Variants in ULK4 observed in about 807,000 individuals in gnomAD.
ULK4 encodes unc-51 like kinase 4, also known as inactive serine/threonine-protein kinase ULK4.
In ULK4, 133 loss-of-function variants were observed where a neutral mutation model predicts 160.6. The observed-to-expected ratio is 0.83, with a 90% confidence interval of 0.72 to 0.96. ULK4 has a LOEUF of 0.96. Among genes scored for constraint, ULK4 ranks in the 40% least tolerant of loss-of-function variants. The probability of loss-of-function intolerance (pLI) is 0.00; values close to 1 mark genes in which losing one functional copy is unlikely to be tolerated. For synonymous variants in ULK4, 534 were observed against 539.8 expected (o/e 0.99, Z 0.15); for missense variants, 1,580 against 1,499.5 (o/e 1.05, Z -0.89).
At chr3:41,629,454 C>T (rs775266455) in intron 30 of ULK4, among the ~76,000 whole-genome samples, 1 of 152,104 alleles carries the variant, frequency 6.6e-6, no homozygotes, top group Non-Finnish European at 1.5e-5. Context: ...CAAAGAGAAC[C>T]AGATGGCTTT....
At position 41,246,849 on chromosome 3, in the gene ULK4, A is replaced by G; in HGVS notation, c.*80T>C. On this transcript the variant is annotated 3_prime_UTR_variant, in exon 37 of 37. Transcript: ENST00000301831. Reference sequence around the variant, plus strand: ...AAAGACAGCTGTGAGGGGATGTGGCAAAGGTGTCTGGGAGCTGACCTTGCT... The same window carrying G: ...AAAGACAGCTGTGAGGGGATGTGGCGAAGGTGTCTGGGAGCTGACCTTGCT... 6.6e-7 allele frequency: 1 copy of G among 1,525,382 alleles called. No individual in the cohort carries two copies. The highest frequency in any genetic ancestry group is 9.0e-7 in the Non-Finnish European group (1 of 1,115,594). 94.5% of individuals were successfully genotyped at this position (1,525,382 alleles called of 1,614,324 possible). A position where few individuals can be genotyped will look rare whatever the true frequency, so the allele number is the denominator to read the frequency against.
chr3:41,590,917 A>G (rs1405978460), intron 31 of ULK4, among the ~76,000 whole-genome samples: 1 of 152,104 alleles, frequency 6.6e-6, no homozygotes, highest in Non-Finnish European at 1.5e-5. Context: ...TTTTGAAGAA[A>G]CGATGGTTGA....
chr3:41,776,058 A>G (rs536557711), intron 21 of ULK4, among the ~76,000 whole-genome samples: 1 of 151,014 alleles, frequency 6.6e-6, no homozygotes, highest in East Asian at 1.9e-4. Context: ...AAGATTATAA[A>G]ATTGCACTCC....
At chr3:41,587,424 G>A (rs1017711209) in intron 31 of ULK4, among the ~76,000 whole-genome samples, 2 of 152,080 alleles carry the variant, frequency 1.3e-5, no homozygotes, top group Non-Finnish European at 2.9e-5. Flanking sequence ...CTCCCTTTTG[G>A]CATGTAGTGG....
At position 41,874,247 on chromosome 3, in the gene ULK4, C is replaced by T. The variant is rs116341773; in HGVS notation, c.1656+9627G>A. ...AGTGGTGCAATCGTGCATCTTAATA[C>T]GGAGCAAGAGCCCAAAGTGGAGCAC... On this transcript the variant is annotated intron_variant, in intron 17 of 36. Coordinates refer to ENST00000301831, the MANE Select transcript of ULK4 (RefSeq NM_017886.4). Among the ~76,000 whole-genome samples, 1,013 of 152,182 alleles carry T rather than the reference C, an allele frequency of 6.7e-3. 9 individuals carry two copies. The highest frequency in any genetic ancestry group is 0.023 in the African/African-American group (964 of 41,524).
intron 7 of ULK4, 33 bp from the exon 8 acceptor site, chr3:41,916,085 TAAG>T (rs1292717716): frequency 8.4e-6 from 12 of 1,420,436 alleles, no homozygotes; most frequent in Non-Finnish European, 1.2e-5. Context: ...GAAAAAATGA[TAAG>T]TAGTAAATAC....
Position 41,919,893 on chromosome 3 carries a change from C to G in ULK4, c.542-75G>C. 4 of 863,410 alleles carry G rather than the reference C, an allele frequency of 4.6e-6. No individual in the cohort carries two copies. The Admixed American group carries it at 9.0e-5, about 19-fold the overall frequency. The allele number at this position is 863,410 out of a possible 1,614,324, so 53.5% of individuals were successfully genotyped here. ...CAACACGAACCCACCTAGGAAAGAT[C>G]TGATGAGATGAAAAAGGGCAGGAGA... On this transcript the variant is annotated intron_variant, in intron 5 of 36. Transcript: ENST00000301831.
chr3:41,961,551 C>CCCCCCCT (rs1559679750), intron 1 of ULK4, among the ~76,000 whole-genome samples: 14 of 8,334 alleles, frequency 1.7e-3, no homozygotes, highest in East Asian at 0.014. Flanking sequence ...TAGTCACTCA[C>CCCCCCCT]CCCCCCCCCC....
In ULK4 at chr3:41,507,994, G is replaced by C. The variant is rs185970408; in HGVS notation, c.3227-44741C>G. On this transcript the variant is annotated intron_variant, in intron 32 of 36. Coordinates refer to ENST00000301831, the MANE Select transcript of ULK4 (RefSeq NM_017886.4). The stretch of plus-strand genomic sequence containing the variant: ...AAGCTCCCTGAGATGCCAAAAAACT[G>C]TGAGTTGGCTTGCTTTCTCAGCAGG... 8.5e-4 allele frequency among the ~76,000 whole-genome samples: 130 copies of C among 152,328 alleles called. 1 individual carries two copies. Among genetic ancestry groups the C allele is most frequent in the Admixed American group, 8.5e-3 (130 of 15,302 alleles).
chr3:41,858,817 TC>T (rs140811588), intron 17 of ULK4, among the ~76,000 whole-genome samples: 300 of 151,396 alleles, frequency 2.0e-3, no homozygotes, highest in African/African-American at 6.5e-3. Flanking sequence ...AATTCTTTTT[TC>T]CCCCCCATAG....
intron 32 of ULK4, among the ~76,000 whole-genome samples, chr3:41,495,152 G>A (rs2084940505): frequency 1.3e-5 from 2 of 152,196 alleles, no homozygotes; most frequent in African/African-American, 4.8e-5. Context: ...AACAAAGCTG[G>A]AGGCATCACA....
chr3:41,944,543 T>C (rs1489978551), intron 2 of ULK4, among the ~76,000 whole-genome samples: 1 of 152,140 alleles, frequency 6.6e-6, no homozygotes, highest in African/African-American at 2.4e-5. Context: ...TCTCTGCTCC[T>C]TGATACAGCA....
At chr3:41,396,797 C>A (rs9311274) in intron 35 of ULK4, among the ~76,000 whole-genome samples, 3 of 151,934 alleles carry the variant, frequency 2.0e-5, no homozygotes, top group Non-Finnish European at 4.4e-5. Context: ...ACTTGGGGAA[C>A]TGAACTAGAC....
intron 35 of ULK4, among the ~76,000 whole-genome samples, chr3:41,307,836 A>T (rs774595100): frequency 8.2e-6 from 1 of 122,670 alleles, no homozygotes; most frequent in African/African-American, 3.7e-5. Flanking sequence ...TTTCATACAT[A>T]CATACATACA....
chr3:41,946,697 G>A (rs1174875700), intron 2 of ULK4, among the ~76,000 whole-genome samples: 1 of 152,162 alleles, frequency 6.6e-6, no homozygotes, highest in Non-Finnish European at 1.5e-5. Context: ...TTTGTAGTGT[G>A]TGTCACAAGT....
chr3:41,528,632 C>A (rs768393138), intron 32 of ULK4, among the ~76,000 whole-genome samples: 1 of 152,146 alleles, frequency 6.6e-6, no homozygotes, highest in Non-Finnish European at 1.5e-5. Flanking sequence ...ATATGAACAT[C>A]AAGACCAGAG....
In ULK4 at chr3:41,710,748, C is replaced by G. The variant is rs575246331; in HGVS notation, c.2634+4489G>C. Reference sequence around the variant, plus strand: ...AACAGAGGTTGCAGTGAGCCGAGATCGCTCCGCTGCACAAGCCTGGGAGAC... The same window carrying G: ...AACAGAGGTTGCAGTGAGCCGAGATGGCTCCGCTGCACAAGCCTGGGAGAC... On this transcript the variant is annotated intron_variant, in intron 25 of 36. Coordinates refer to ENST00000301831, the MANE Select transcript of ULK4 (RefSeq NM_017886.4). Among the ~76,000 whole-genome samples the G allele has an allele frequency of 4.4e-4, 66 of 150,490 alleles. 1 individual carries two copies. The highest frequency in any genetic ancestry group is 1.4e-3 in the African/African-American group (59 of 40,784).
intron 32 of ULK4, among the ~76,000 whole-genome samples, chr3:41,472,832 A>C (rs773597139): frequency 1.5e-4 from 23 of 152,180 alleles, no homozygotes; most frequent in Non-Finnish European, 3.2e-4. Context: ...TAAAAAACTA[A>C]AGGCCACTGT....
intron 12 of ULK4, 131 bp from the exon 13 acceptor site, chr3:41,900,960 C>A (rs897944732): frequency 6.8e-6 from 4 of 585,356 alleles, no homozygotes; most frequent in Admixed American, 3.1e-5. Flanking sequence ...AACTGCTATT[C>A]AAGATGGTTG....
Sources: allele counts gnomAD v4.1 joint callset (sites outside exome capture counted in the v4.1 genomes callset), GRCh38; gene constraint gnomAD v4.1.1; transcripts MANE v1.5; gene names NCBI Gene and HGNC (gene_info 2026-07-23, HGNC 2026-07-21).